The following SPOCK3 variants were observed in gnomAD, a reference collection of about 807,000 sequenced individuals.
The protein encoded by SPOCK3 is SPARC (osteonectin), cwcv and kazal like domains proteoglycan 3.
Under a neutral mutation model 56.6 loss-of-function variants are expected in SPOCK3, and 30 were observed. The observed-to-expected ratio is 0.53, with a 90% CI of 0.40 to 0.72. The LOEUF is 0.72. Ranked by LOEUF, SPOCK3 falls within the 30% of genes least tolerant of loss-of-function variation. The pLI is 0.00. For synonymous variants in SPOCK3, 196 were observed against 183.3 expected (o/e 1.07, Z -0.56); for missense variants, 527 against 530.0 (o/e 0.99, Z 0.06).
intron 6 of SPOCK3, among the ~76,000 whole-genome samples, chr4:166,888,529 A>G (rs1219628512): frequency 6.6e-6 from 1 of 152,070 alleles, no homozygotes; most frequent in Non-Finnish European, 1.5e-5. Flanking sequence ...AAACTATAAT[A>G]AATAATCTTA....
intron 4 of SPOCK3, among the ~76,000 whole-genome samples, chr4:166,935,974 C>A (rs761639737): frequency 1.3e-5 from 2 of 152,106 alleles, no homozygotes; most frequent in Non-Finnish European, 2.9e-5. Context: ...ATGAGAAGGT[C>A]AGGTTTGGAA....
intron 2 of SPOCK3, among the ~76,000 whole-genome samples, chr4:167,174,434 T>C (rs577222201): frequency 2.3e-5 from 3 of 131,814 alleles, no homozygotes; most frequent in South Asian, 4.4e-4. Flanking sequence ...CTCTAAAATT[T>C]TGAAAAAAAA....
Position 166,950,155 on chromosome 4 carries a change from G to A in SPOCK3, c.351-37412C>T, listed in dbSNP as rs547277901. Reference sequence around the variant, plus strand: ...CACAGACTGGCAAATTGGATAAAGAGTCAAGACCCATCAGTGTGCTGTATT... The same window carrying A: ...CACAGACTGGCAAATTGGATAAAGAATCAAGACCCATCAGTGTGCTGTATT... On this transcript the variant is annotated intron_variant, in intron 4 of 10. Coordinates refer to ENST00000357545, the MANE Select transcript of SPOCK3 (RefSeq NM_001040159.2). 4.0e-4 allele frequency among the ~76,000 whole-genome samples: 61 copies of A among 151,744 alleles called. No homozygotes were observed. The East Asian group carries it at 0.012, about 29-fold the overall frequency.
intron 5 of SPOCK3, among the ~76,000 whole-genome samples, chr4:166,909,159 C>T (rs1000824027): frequency 5.9e-5 from 9 of 152,032 alleles, no homozygotes; most frequent in Non-Finnish European, 1.3e-4. Flanking sequence ...AGTTCCTCAT[C>T]TATTCATTTT....
chr4:167,027,658 C>A (rs1052150601), intron 3 of SPOCK3, among the ~76,000 whole-genome samples: 3 of 151,916 alleles, frequency 2.0e-5, no homozygotes, highest in African/African-American at 7.2e-5. Flanking sequence ...GTTTTGCATT[C>A]TTTTTCTATA....
chr4:167,152,975 G>A (rs1200985957), intron 2 of SPOCK3, among the ~76,000 whole-genome samples: 1 of 152,170 alleles, frequency 6.6e-6, no homozygotes, highest in South Asian at 2.1e-4. Context: ...ATTACCCAAT[G>A]TAAAGAAATC....
At position 166,777,556 on chromosome 4, in the gene SPOCK3, A is replaced by T. The variant is rs1469941009; in HGVS notation, c.709+14614T>A. Among the ~76,000 whole-genome samples the T allele has an allele frequency of 2.6e-5, 4 of 152,108 alleles. No homozygotes were observed. The East Asian group carries it at 7.7e-4, about 29-fold the overall frequency. The stretch of plus-strand genomic sequence containing the variant: ...CTTTGTGAGGCAAGGTGGCAGGATC[A>T]CCCCATGTCTCTATGAAAAACAAGA... On this transcript the variant is annotated intron_variant, in intron 7 of 10. Transcript: ENST00000357545.
intron 8 of SPOCK3, among the ~76,000 whole-genome samples, chr4:166,745,425 G>A (rs1167181579): frequency 6.6e-6 from 1 of 152,134 alleles, no homozygotes; most frequent in Non-Finnish European, 1.5e-5. Flanking sequence ...ATCCTTTACA[G>A]ACAAGCAAAT....
chr4:167,221,444 C>T (rs191071440), intron 2 of SPOCK3, among the ~76,000 whole-genome samples: 9 of 152,022 alleles, frequency 5.9e-5, no homozygotes, highest in Admixed American at 5.9e-4. Context: ...TTAAAGTGGT[C>T]AACTGTTAAT....
At chr4:166,879,748 G>A (rs898105413) in intron 6 of SPOCK3, among the ~76,000 whole-genome samples, 2 of 152,182 alleles carry the variant, frequency 1.3e-5, no homozygotes, top group African/African-American at 4.8e-5. Context: ...TTGGATCTGT[G>A]TCCCAGCTCA....
chr4:167,156,824 T>A (rs1357377112), intron 2 of SPOCK3, among the ~76,000 whole-genome samples: 1 of 152,066 alleles, frequency 6.6e-6, no homozygotes, highest in East Asian at 1.9e-4. Flanking sequence ...TTAAGACTCT[T>A]CCACAATTCA....
intron 7 of SPOCK3, among the ~76,000 whole-genome samples, chr4:166,775,198 AAC>A (rs1449076885): frequency 6.6e-6 from 1 of 152,084 alleles, no homozygotes; most frequent in Non-Finnish European, 1.5e-5. Context: ...AAAAAAAATG[AAC>A]CAACGTGACT....
At chr4:166,851,994 G>A (rs1349715905) in intron 6 of SPOCK3, among the ~76,000 whole-genome samples, 1 of 151,440 alleles carries the variant, frequency 6.6e-6, no homozygotes, top group African/African-American at 2.4e-5. Context: ...CATGTCCTTT[G>A]TAGGGACATG....
chr4:166,829,160 TTAGA>T lies in SPOCK3; in HGVS notation c.590-36875_590-36872del, dbSNP rs368710305. 5.5e-3 allele frequency among the ~76,000 whole-genome samples: 833 copies of T among 152,174 alleles called. 8 individuals carry two copies. The highest frequency in any genetic ancestry group is 0.019 in the African/African-American group (784 of 41,566). On this transcript the variant is annotated intron_variant, in intron 6 of 10. Transcript: ENST00000357545. ...AGCACAAACACAGACATAGATTAGA[TTAGA>T]TACTGTTGATATAGATTATAAAGTA...
chr4:167,120,762 A>G (rs186714847), intron 2 of SPOCK3, among the ~76,000 whole-genome samples: 5 of 150,500 alleles, frequency 3.3e-5, no homozygotes, highest in African/African-American at 9.8e-5. Flanking sequence ...GTGCATTTTT[A>G]AAAAGTTTTT....
In SPOCK3 at chr4:167,185,320, G is replaced by A. The variant is rs185910896; in HGVS notation, c.189+48665C>T. Among the ~76,000 whole-genome samples the A allele has an allele frequency of 7.9e-4, 121 of 152,258 alleles. 2 individuals are homozygous for A. The Middle Eastern group carries it at 0.01, about 13-fold the overall frequency. Reference sequence around the variant, plus strand: ...TTATGTCACGCATTTATCTTTTACTGTAATATTCCCACCATTGATAAATTG... The same window carrying A: ...TTATGTCACGCATTTATCTTTTACTATAATATTCCCACCATTGATAAATTG... On this transcript the variant is annotated intron_variant, in intron 2 of 10. Coordinates refer to ENST00000357545, the MANE Select transcript of SPOCK3 (RefSeq NM_001040159.2).
chr4:166,801,292 C>T (rs1468858376), intron 6 of SPOCK3, among the ~76,000 whole-genome samples: 1 of 152,102 alleles, frequency 6.6e-6, no homozygotes, highest in Non-Finnish European at 1.5e-5. Context: ...TTCGGTAGCA[C>T]ATCTGGTACT....
chr4:167,211,369 G>C (rs1317757991), intron 2 of SPOCK3, among the ~76,000 whole-genome samples: 1 of 152,096 alleles, frequency 6.6e-6, no homozygotes, highest in Non-Finnish European at 1.5e-5. Flanking sequence ...GCTGATATGA[G>C]TTAACACTCT....
At position 166,954,775 on chromosome 4, in the gene SPOCK3, T is replaced by C. The variant is rs1743182349; in HGVS notation, c.351-42032A>G. ...ATCCAAATTCAATCCAATTTCTCTG[T>C]TATCACAAATGATTCTTAGTGCCTA... On this transcript the variant is annotated intron_variant, in intron 4 of 10. Transcript: ENST00000357545. 3.9e-5 allele frequency among the ~76,000 whole-genome samples: 6 copies of C among 152,326 alleles called. 1 individual carries two copies. Among genetic ancestry groups the C allele is most frequent in the Admixed American group, 3.9e-4 (6 of 15,288 alleles).
Sources: gnomAD v4.1 joint callset for allele counts (sites outside exome capture counted in the v4.1 genomes callset) on GRCh38, gnomAD v4.1.1 for gene constraint, MANE v1.5 for transcripts, NCBI Gene and HGNC (gene_info 2026-07-23, HGNC 2026-07-21) for gene names.